The following SMIM23 variants were observed in gnomAD, a reference collection of about 807,000 sequenced individuals.
SMIM23 encodes the protein CTB-78H18.1.
Under a neutral mutation model 12.8 loss-of-function variants are expected in SMIM23, and 10 were observed. The ratio of observed to expected loss-of-function variants is 0.78; its 90% CI spans 0.48 to 1.32. The LOEUF (loss-of-function observed/expected upper bound fraction) is 1.32. SMIM23 is among the 40% of genes most tolerant of loss of function. The pLI, the probability that SMIM23 is intolerant of heterozygous loss-of-function variation, is 0.00. For synonymous variants in SMIM23, 78 were observed against 80.1 expected, an observed-to-expected ratio of 0.97 and a Z score of 0.14; for missense variants, 184 against 198.2, an observed-to-expected ratio of 0.93 and a Z score of 0.43.
At chr5:171,784,379 C>T (rs186775776), upstream of SMIM23, among the ~76,000 whole-genome samples, 1 of 152,152 alleles carries the variant, frequency 6.6e-6, no homozygotes, top group Non-Finnish European at 1.5e-5. Context: ...GTGGCGGGTG[C>T]CTGTAGTCCC....
At chr5:171,775,235 C>T in the SMIM23 span, among the ~76,000 whole-genome samples, 1 of 152,196 alleles carries the variant, frequency 6.6e-6, no homozygotes, top group Non-Finnish European at 1.5e-5. Flanking sequence ...CTTCTTTCCT[C>T]AAATTCAAAT....
In SMIM23 at chr5:171,790,980, C is replaced by G. The variant is rs1283720186; in HGVS notation, c.411C>G (p.His137Gln). The G allele has an allele frequency of 6.5e-7, 1 of 1,535,852 alleles. No homozygotes were observed. Among genetic ancestry groups the G allele is most frequent in the African/African-American group, 1.4e-5 (1 of 73,048 alleles). The change falls in exon 4 of 4, where the codon CAC (histidine) becomes CAG (glutamine). Residue 137 changes from histidine (H) to glutamine (Q), a missense_variant. Transcript: ENST00000523047. Reference sequence around the variant, plus strand: ...TGGGAGAGCCACACCAGGAGGAGCACTGCTCCACATATAAAAGTCACTTGT... The same window carrying G: ...TGGGAGAGCCACACCAGGAGGAGCAGTGCTCCACATATAAAAGTCACTTGT... ...ALLGEPHQEEHCSTYKSHLWE... is the reference protein window; with the variant it reads ...ALLGEPHQEEQCSTYKSHLWE...
chr5:171,787,797 CT>C (rs1377356048), intron 1 of SMIM23, among the ~76,000 whole-genome samples: 2 of 152,180 alleles, frequency 1.3e-5, no homozygotes, highest in Non-Finnish European at 2.9e-5. Flanking sequence ...AGCAGTGATT[CT>C]GATTTGTGTC....
At position 171,790,933 on chromosome 5, in the gene SMIM23, G is replaced by A; in HGVS notation, c.364G>A (p.Glu122Lys). Residue 122 changes from glutamate (E) to lysine (K), a missense_variant, in exon 4 of 4, where the codon GAA (glutamate) becomes AAA (lysine). Transcript: ENST00000523047. ...QQLEQLAWDL[E>K]LWLDALLGEP... The stretch of plus-strand genomic sequence containing the variant: ...GCTGGAGCAGCTAGCGTGGGACCTG[G>A]AACTGTGGCTGGATGCTCTTCTGGG... 1.3e-6 allele frequency: 2 copies of A among 1,536,162 alleles called. No individual in the cohort carries two copies. Among genetic ancestry groups the A allele is most frequent in the Non-Finnish European group, 1.7e-6 (2 of 1,146,922 alleles).
At chr5:171,776,438 T>C in the SMIM23 span, among the ~76,000 whole-genome samples, 110 of 152,252 alleles carry the variant, frequency 7.2e-4, no homozygotes, top group African/African-American at 2.5e-3. Context: ...ATCCCCCACT[T>C]TCCTGCATCT....
chr5:171,778,447 T>TCTCACA (rs1332818322), upstream of SMIM23, among the ~76,000 whole-genome samples: 143 of 141,628 alleles, frequency 1.0e-3, no homozygotes, highest in African/African-American at 3.4e-3. Flanking sequence ...TGGGAAAATT[T>TCTCACA]CACACACACA....
At chr5:171,777,820 T>C (rs1456180416), upstream of SMIM23, among the ~76,000 whole-genome samples, 1 of 151,672 alleles carries the variant, frequency 6.6e-6, no homozygotes, top group Non-Finnish European at 1.5e-5. Context: ...ATCAGATGAG[T>C]CTTGGGGGTG....
At chr5:171,785,545 C>A (rs868845860), upstream of SMIM23, among the ~76,000 whole-genome samples, 14 of 152,040 alleles carry the variant, frequency 9.2e-5, no homozygotes, top group African/African-American at 3.4e-4. Flanking sequence ...CCACTGCACC[C>A]AAACTATTGT....
upstream of SMIM23, chr5:171,782,711 C>T (rs1477954126): frequency 1.3e-5 from 2 of 152,226 alleles, no homozygotes; most frequent in African/African-American, 2.4e-5. Flanking sequence ...AGTTCCTGGC[C>T]TCTCAGAGCC....
chr5:171,778,319 T>C (rs1755672076), upstream of SMIM23, among the ~76,000 whole-genome samples: 1 of 150,648 alleles, frequency 6.6e-6, no homozygotes, highest in South Asian at 2.1e-4. Context: ...ATCATGCCAT[T>C]GCACTCCAGC....
chr5:171,778,457 A>T (rs971497414), upstream of SMIM23, among the ~76,000 whole-genome samples: 129 of 141,348 alleles, frequency 9.1e-4, no homozygotes, highest in South Asian at 4.0e-3. Flanking sequence ...TCACACACAC[A>T]CACACACACA....
upstream of SMIM23, among the ~76,000 whole-genome samples, chr5:171,780,499 A>G (rs1049502589): frequency 2.9e-4 from 44 of 152,108 alleles, no homozygotes; most frequent in Admixed American, 2.8e-3. Flanking sequence ...AGAATTTATT[A>G]TGTTTCCTAG....
chr5:171,773,641 A>C, the SMIM23 span: 6 of 374,268 alleles, frequency 1.6e-5, no homozygotes, highest in Admixed American at 3.7e-5. Flanking sequence ...ATAGAGGGTA[A>C]GACTCAAGCC....
the SMIM23 span, among the ~76,000 whole-genome samples, chr5:171,776,280 G>A: frequency 6.6e-6 from 1 of 152,120 alleles, no homozygotes; most frequent in East Asian, 1.9e-4. Flanking sequence ...GGTTGGGGTG[G>A]GGTGAGATTT....
intron 1 of SMIM23, among the ~76,000 whole-genome samples, chr5:171,786,934 C>T (rs1755828680): frequency 1.4e-5 from 2 of 146,528 alleles, no homozygotes; most frequent in Admixed American, 1.4e-4. Flanking sequence ...AGTCCTGCAA[C>T]AAAGAAGTCT....
intron 1 of SMIM23, among the ~76,000 whole-genome samples, chr5:171,787,699 G>A (rs1755843444): frequency 6.6e-6 from 1 of 152,186 alleles, no homozygotes; most frequent in African/African-American, 2.4e-5. Context: ...TTTTGCATTG[G>A]GTGTACACAC....
chr5:171,779,061 A>G (rs1016892607), upstream of SMIM23, among the ~76,000 whole-genome samples: 1 of 152,216 alleles, frequency 6.6e-6, no homozygotes, highest in Non-Finnish European at 1.5e-5. Flanking sequence ...AGGATTAGGG[A>G]CAAGCCTCGT....
At chr5:171,784,532 C>A (rs1755780995), upstream of SMIM23, among the ~76,000 whole-genome samples, 1 of 136,430 alleles carries the variant, frequency 7.3e-6, no homozygotes, top group African/African-American at 2.6e-5. Flanking sequence ...ATAGTGTAAA[C>A]AGATATTGGT....
At chr5:171,789,501 C>G (rs1048036543) in intron 1 of SMIM23, among the ~76,000 whole-genome samples, 1 of 152,116 alleles carries the variant, frequency 6.6e-6, no homozygotes, top group African/African-American at 2.4e-5. Flanking sequence ...TTCATAATAG[C>G]CCCAAACTGG....
Sources: allele counts gnomAD v4.1 joint callset (sites outside exome capture counted in the v4.1 genomes callset), GRCh38; gene constraint gnomAD v4.1.1; transcripts MANE v1.5; gene names NCBI Gene and HGNC (gene_info 2026-07-23, HGNC 2026-07-21).